SLC13A3: variants seen among roughly 807,000 people sequenced by gnomAD.
The protein encoded by SLC13A3 is Na(+)/dicarboxylate cotransporter 3.
A neutral mutation model predicts 59.0 loss-of-function variants in SLC13A3; 40 were observed. The observed-to-expected ratio is 0.68, with a 90% CI of 0.53 to 0.88. The LOEUF is 0.88. Ranked by LOEUF, SLC13A3 falls within the 40% of genes least tolerant of loss-of-function variation. The pLI, the probability that SLC13A3 is intolerant of heterozygous loss-of-function variation, is 0.00. For synonymous variants in SLC13A3, 317 were observed against 330.3 expected (o/e 0.96, Z 0.44); for missense variants, 699 against 783.2 (o/e 0.89, Z 1.28).
At position 46,613,545 on chromosome 20, in the gene SLC13A3, T is replaced by G. The variant is rs201443231; in HGVS notation, c.292A>C (p.Ile98Leu). 1.2e-6 allele frequency: 2 copies of G among 1,613,912 alleles called. No individual in the cohort carries two copies. Among genetic ancestry groups the G allele is most frequent in the Admixed American group, 1.7e-5 (1 of 59,984 alleles). Reference protein sequence around the residue: ...DTNFLFLSGLIMASAIEEWNL... With the variant: ...DTNFLFLSGLLMASAIEEWNL... Reference sequence around the variant, plus strand: ...CACTCCTCAATGGCGCTGGCCATGATCAGCCCACTGAGGAAGAGGAAGTTG... The same window carrying G: ...CACTCCTCAATGGCGCTGGCCATGAGCAGCCCACTGAGGAAGAGGAAGTTG... Residue 98 changes from isoleucine to leucine, a missense_variant, in exon 2 of 13, where the codon ATC (isoleucine) becomes CTC (leucine). Ile to Leu is a conservative substitution (Grantham distance 5). Coordinates refer to ENST00000279027, the MANE Select transcript of SLC13A3 (RefSeq NM_022829.6).
upstream of SLC13A3, among the ~76,000 whole-genome samples, chr20:46,674,473 G>A (rs578028290): frequency 2.0e-5 from 3 of 152,272 alleles, no homozygotes; most frequent in East Asian, 1.9e-4. Context: ...TTACAAACAC[G>A]GAGAGGCCTT....
rs774848776 is a variant in SLC13A3 at position 46,563,474 on chromosome 20, C to T, written c.1572G>A (p.Pro524=). 8.1e-6 allele frequency: 13 copies of T among 1,613,956 alleles called. No individual in the cohort carries two copies. Among genetic ancestry groups the T allele is most frequent in the African/African-American group, 8.0e-5 (6 of 74,906 alleles). Reference sequence around the variant, plus strand: ...CGATGGAGTTGGGGGGCGTTGAGACCGGGAGCATGAAGGCAAAGGAGCAGC... The same window carrying T: ...CGATGGAGTTGGGGGGCGTTGAGACTGGGAGCATGAAGGCAAAGGAGCAGC... The part of the protein sequence containing the change: ...TVGCSFAFML[P]VSTPPNSIAF... The change falls in exon 12 of 13, where the codon CCG becomes CCA. Residue 524 remains proline, a synonymous_variant. Transcript: ENST00000279027.
intron 9 of SLC13A3, among the ~76,000 whole-genome samples, 172 bp from the exon 10 acceptor site, chr20:46,575,857 G>A (rs1292832598): frequency 6.6e-6 from 1 of 152,158 alleles, no homozygotes; most frequent in Non-Finnish European, 1.5e-5. Context: ...CATCATGATA[G>A]GTGGAGCTGC....
chr20:46,617,413 C>T (rs1216068245), intron 1 of SLC13A3, among the ~76,000 whole-genome samples: 1 of 152,082 alleles, frequency 6.6e-6, no homozygotes, highest in Non-Finnish European at 1.5e-5. Flanking sequence ...TGCTTGAGGC[C>T]AGGAGTTCAA....
At chr20:46,613,870 G>T in intron 1 of SLC13A3, 145 bp from the exon 2 acceptor site, 1 of 688,922 alleles carries the variant, frequency 1.5e-6, no homozygotes, top group Non-Finnish European at 2.4e-6. Context: ...GCCCCGGCTT[G>T]TTCTCAGGGC....
At chr20:46,585,427 G>A (rs747356722) in intron 8 of SLC13A3, 41 of 989,826 alleles carry the variant, frequency 4.1e-5, no homozygotes, top group Admixed American at 6.1e-5. Flanking sequence ...ATTAAAAAGC[G>A]GATTACAAAT....
At chr20:46,623,192 T>C (rs1310963468) in intron 1 of SLC13A3, among the ~76,000 whole-genome samples, 1 of 152,202 alleles carries the variant, frequency 6.6e-6, no homozygotes, top group Non-Finnish European at 1.5e-5. Flanking sequence ...TTGAGAACAG[T>C]GACATGCAGT....
intron 7 of SLC13A3, 120 bp downstream of exon 7, chr20:46,589,040 G>A (rs758728609): frequency 2.8e-5 from 23 of 825,724 alleles, no homozygotes; most frequent in East Asian, 7.4e-5. Context: ...AGGCTCCCAC[G>A]CCACGGGTCC....
intron 5 of SLC13A3, among the ~76,000 whole-genome samples, chr20:46,593,823 G>A (rs2056486685): frequency 1.3e-5 from 2 of 152,114 alleles, no homozygotes; most frequent in South Asian, 2.1e-4. Flanking sequence ...TGGCAAAAAC[G>A]TTAAATATAT....
intron 1 of SLC13A3, among the ~76,000 whole-genome samples, chr20:46,677,681 T>C (rs187795580): frequency 9.1e-4 from 139 of 152,236 alleles, no homozygotes; most frequent in African/African-American, 3.2e-3. Context: ...ATCTAAAGGT[T>C]GCAAATTCAA....
intron 9 of SLC13A3, among the ~76,000 whole-genome samples, 199 bp from the exon 10 acceptor site, chr20:46,575,884 A>G (rs1011254548): frequency 2.6e-5 from 4 of 152,178 alleles, no homozygotes; most frequent in Non-Finnish European, 5.9e-5. Context: ...CCCAGTGAAA[A>G]TAATTGTCAT....
chr20:46,644,266 C>T (rs1182060386), intron 1 of SLC13A3, among the ~76,000 whole-genome samples: 1 of 152,116 alleles, frequency 6.6e-6, no homozygotes, highest in Admixed American at 6.5e-5. Flanking sequence ...TTACTAAGTG[C>T]TAACTATAAG....
chr20:46,608,913 G>A (rs766596567), intron 3 of SLC13A3: 24 of 1,550,540 alleles, frequency 1.5e-5, no homozygotes, highest in African/African-American at 6.9e-5. Flanking sequence ...CATTCCACCC[G>A]GCAGGAAGGA....
Position 46,582,837 on chromosome 20 carries a change from C to T in SLC13A3, c.1219+735G>A, listed in dbSNP as rs564670946. On this transcript the variant is annotated intron_variant, in intron 9 of 12. Coordinates refer to ENST00000279027, the MANE Select transcript of SLC13A3 (RefSeq NM_022829.6). ...CCCAGGTGGCAGCCTCAGGTGTTGG[C>T]GTCACCTTCTGGTAGACATCTGCTG... 4.4e-5 allele frequency: 43 copies of T among 985,300 alleles called. No individual in the cohort carries two copies. The African/African-American group carries it at 5.9e-4, about 14-fold the overall frequency. The allele number at this position is 985,300 out of a possible 1,614,324, so 61.0% of individuals were successfully genotyped here.
intron 1 of SLC13A3, among the ~76,000 whole-genome samples, chr20:46,637,067 A>G (rs199597876): frequency 7.9e-5 from 12 of 152,042 alleles, no homozygotes; most frequent in Non-Finnish European, 1.5e-4. Flanking sequence ...CCAAAGTGCT[A>G]GGATTACAGG....
chr20:46,621,960 G>C (rs1418142879), intron 1 of SLC13A3, among the ~76,000 whole-genome samples: 2 of 152,154 alleles, frequency 1.3e-5, no homozygotes, highest in Non-Finnish European at 2.9e-5. Flanking sequence ...CACAACTTAT[G>C]CTCCATGGAA....
At chr20:46,607,828 C>A (rs538722857) in intron 3 of SLC13A3, among the ~76,000 whole-genome samples, 1 of 152,192 alleles carries the variant, frequency 6.6e-6, no homozygotes, top group Non-Finnish European at 1.5e-5. Context: ...AACTGCGTAA[C>A]GGGGGGTGGG....
chr20:46,584,757 T>C (rs984860582), intron 8 of SLC13A3, among the ~76,000 whole-genome samples: 4 of 152,212 alleles, frequency 2.6e-5, no homozygotes, highest in African/African-American at 9.6e-5. Context: ...TACCCTTTGA[T>C]CCAGTTATCC....
Position 46,582,774 on chromosome 20 carries a change from T to C in SLC13A3, c.1219+798A>G, listed in dbSNP as rs146712660. 3.1e-4 allele frequency: 309 copies of C among 985,314 alleles called. 2 individuals are homozygous for C. In the South Asian group the frequency reaches 6.0e-3, roughly 19 times the overall value. The allele number at this position is 985,314 out of a possible 1,614,324, so 61.0% of individuals were successfully genotyped here. ...ACAATAGAAAATAGTTTGATTATAG[T>C]CCCTATTTCCTGACTCCGGAGGAGC... is the stretch of plus-strand genomic sequence containing the variant. On this transcript the variant is annotated intron_variant, in intron 9 of 12. Transcript: ENST00000279027.
Sources: allele counts gnomAD v4.1 joint callset (sites outside exome capture counted in the v4.1 genomes callset), GRCh38; gene constraint gnomAD v4.1.1; transcripts MANE v1.5; gene names NCBI Gene and HGNC (gene_info 2026-07-23, HGNC 2026-07-21).